GPR107: variants seen among roughly 807,000 people sequenced by gnomAD.
GPR107 encodes protein GPR107.
A neutral mutation model predicts 75.5 loss-of-function variants in GPR107; 31 were observed. The observed-to-expected ratio is 0.41, with a 90% CI of 0.31 to 0.55. The LOEUF (loss-of-function observed/expected upper bound fraction) is 0.55. Among genes scored for constraint, GPR107 ranks in the 20% least tolerant of loss-of-function variants. GPR107 has a pLI of 0.26. For missense variants in GPR107, 572 were observed against 665.7 expected, an observed-to-expected ratio of 0.86 and a Z score of 1.55; for synonymous variants, 267 against 251.3, an observed-to-expected ratio of 1.06 and a Z score of -0.59.
intron 14 of GPR107, among the ~76,000 whole-genome samples, chr9:130,109,673 G>A (rs141561410): frequency 4.0e-5 from 6 of 150,762 alleles, no homozygotes; most frequent in Non-Finnish European, 5.9e-5. Flanking sequence ...AGCTTCAAGC[G>A]ATTCTCCTGC....
At chr9:130,104,346 C>T in intron 12 of GPR107, 74 bp from the exon 13 acceptor site, 2 of 1,408,166 alleles carry the variant, frequency 1.4e-6, no homozygotes, top group Admixed American at 1.7e-5. Context: ...AAGGTGTACA[C>T]CCCACATTGG....
At position 130,103,766 on chromosome 9, in the gene GPR107, A is replaced by G. The variant is rs369227967; in HGVS notation, c.1132-654A>G. 4.6e-5 allele frequency among the ~76,000 whole-genome samples: 7 copies of G among 152,342 alleles called. No homozygotes were observed. The East Asian group carries it at 1.3e-3, about 29-fold the overall frequency. Reference sequence around the variant, plus strand: ...AGCAGTCCAGCACCTGAGTGACTCCACTGGGTTTGGGGTACCTGAAAAGCA... The same window carrying G: ...AGCAGTCCAGCACCTGAGTGACTCCGCTGGGTTTGGGGTACCTGAAAAGCA... On this transcript the variant is annotated intron_variant, in intron 12 of 17. Coordinates refer to ENST00000347136, the MANE Select transcript of GPR107 (RefSeq NM_020960.5). This position sits in a 1 kb window ranked among gnomAD's most constrained non-coding sequence, Gnocchi z 4.3.
intron 1 of GPR107, among the ~76,000 whole-genome samples, chr9:130,060,021 T>G (rs1829889153): frequency 6.6e-6 from 1 of 151,842 alleles, no homozygotes; most frequent in Non-Finnish European, 1.5e-5. Flanking sequence ...ATTACAGGCA[T>G]GAGCCACCAG....
intron 1 of GPR107, among the ~76,000 whole-genome samples, chr9:130,063,926 T>A (rs573934819): frequency 2.2e-4 from 33 of 151,404 alleles, no homozygotes; most frequent in African/African-American, 8.0e-4. Flanking sequence ...TGCCTCAGCC[T>A]CCCAAGTAGC....
chr9:130,073,582 A>G (rs565956504), intron 1 of GPR107, among the ~76,000 whole-genome samples: 1 of 152,208 alleles, frequency 6.6e-6, no homozygotes, highest in African/African-American at 2.4e-5. Flanking sequence ...TCCAGCAAAC[A>G]TGTTTTCACC....
chr9:130,059,733 C>CT lies in GPR107; in HGVS notation c.141+5683dup, dbSNP rs61429853. Reference sequence around the variant, plus strand: ...CTCATACTGTGATCAGTTAATACGTCTTTTTTTTTTTTTTTTTTTTTTTGA... The same window carrying CT: ...CTCATACTGTGATCAGTTAATACGTCTTTTTTTTTTTTTTTTTTTTTTTTGA... On this transcript the variant is annotated intron_variant, in intron 1 of 17. Coordinates refer to ENST00000347136, the MANE Select transcript of GPR107 (RefSeq NM_020960.5). 7.0e-3 allele frequency among the ~76,000 whole-genome samples: 1,008 copies of CT among 144,200 alleles called. 6 individuals are homozygous for CT. The highest frequency in any genetic ancestry group is 0.025 in the African/African-American group (944 of 38,118). 94.6% of individuals were successfully genotyped at this position (144,200 alleles called of 152,430 possible).
chr9:130,073,304 A>G (rs1830257248), intron 1 of GPR107, among the ~76,000 whole-genome samples: 2 of 152,188 alleles, frequency 1.3e-5, no homozygotes, highest in Admixed American at 1.3e-4. Context: ...TAGTTGAGTT[A>G]ATGTCTCCTG....
At chr9:130,058,968 A>G (rs771296116) in intron 1 of GPR107, among the ~76,000 whole-genome samples, 2 of 152,086 alleles carry the variant, frequency 1.3e-5, no homozygotes, top group Non-Finnish European at 2.9e-5. Flanking sequence ...GGTGCCATAA[A>G]CGTTCACATT....
chr9:130,080,552 C>T (rs1411214569), intron 5 of GPR107, among the ~76,000 whole-genome samples: 2 of 151,604 alleles, frequency 1.3e-5, no homozygotes, highest in Admixed American at 6.6e-5. Flanking sequence ...AGTACAGTGG[C>T]GCAATCTCGG....
At chr9:130,120,202 A>G (rs1831516824) in intron 14 of GPR107, among the ~76,000 whole-genome samples, 1 of 152,222 alleles carries the variant, frequency 6.6e-6, no homozygotes, top group African/African-American at 2.4e-5. Flanking sequence ...TAGCACCTAC[A>G]TGGCCTAGCA....
chr9:130,072,724 G>A (rs549823749), intron 1 of GPR107, among the ~76,000 whole-genome samples: 2 of 151,958 alleles, frequency 1.3e-5, no homozygotes, highest in Non-Finnish European at 2.9e-5. Flanking sequence ...TTATGTTGGG[G>A]GGGGAACTGC....
At chr9:130,066,719 C>G (rs974505288) in intron 1 of GPR107, among the ~76,000 whole-genome samples, 9 of 152,194 alleles carry the variant, frequency 5.9e-5, no homozygotes, top group Admixed American at 6.5e-5. Flanking sequence ...GGCGCGGTGG[C>G]TCATGCCTGT....
chr9:130,112,958 C>T lies in GPR107; in HGVS notation c.1306+5419C>T, dbSNP rs766503903. 6.6e-6 allele frequency among the ~76,000 whole-genome samples: 1 copy of T among 151,992 alleles called. No individual in the cohort carries two copies. Among genetic ancestry groups the T allele is most frequent in the South Asian group, 2.1e-4 (1 of 4,820 alleles). On this transcript the variant is annotated intron_variant, in intron 14 of 17. Transcript: ENST00000347136. The surrounding 1 kb of genome is among the most constrained non-coding windows in gnomAD (Gnocchi z 4.0). Reference sequence around the variant, plus strand: ...AGAGATAGGATTTTGTCATATTGCCCAGGCTAGTCTCAAACTCCTGAGCTC... The same window carrying T: ...AGAGATAGGATTTTGTCATATTGCCTAGGCTAGTCTCAAACTCCTGAGCTC...
At chr9:130,129,310 G>C (rs1323486476) in intron 17 of GPR107, 1 of 152,520 alleles carries the variant, frequency 6.6e-6, no homozygotes, top group Non-Finnish European at 1.5e-5. Flanking sequence ...TCATTGTCTA[G>C]AAAAATGAGT....
intron 9 of GPR107, among the ~76,000 whole-genome samples, chr9:130,094,637 T>C (rs1256780297): frequency 6.6e-6 from 1 of 151,894 alleles, no homozygotes. Flanking sequence ...GCCATTAAAG[T>C]TTTTGGGTGG....
chr9:130,059,732 T>C (rs1220578941), intron 1 of GPR107, among the ~76,000 whole-genome samples: 2 of 26,658 alleles, frequency 7.5e-5, no homozygotes, highest in Non-Finnish European at 1.1e-4. Flanking sequence ...AGTTAATACG[T>C]CTTTTTTTTT....
chr9:130,106,920 G>A lies in GPR107; in HGVS notation c.1263-576G>A, dbSNP rs577290999. Among the ~76,000 whole-genome samples the A allele has an allele frequency of 9.0e-4, 137 of 152,102 alleles. 1 individual carries two copies. The highest frequency in any genetic ancestry group is 3.2e-3 in the African/African-American group (131 of 41,496). On this transcript the variant is annotated intron_variant, in intron 13 of 17. Coordinates refer to ENST00000347136, the MANE Select transcript of GPR107 (RefSeq NM_020960.5). ...CATGGTGCCTCCACCTCTCACCTGC[G>A]GCTCCTGTAATAATGTTAATGTTCC... is the stretch of plus-strand genomic sequence containing the variant.
chr9:130,058,739 A>G (rs1427919445), intron 1 of GPR107, among the ~76,000 whole-genome samples: 3 of 152,194 alleles, frequency 2.0e-5, no homozygotes, highest in Non-Finnish European at 4.4e-5. Context: ...TTCTGGGATC[A>G]CAGGTGTGAG....
At chr9:130,083,027 T>A (rs1250596432) in intron 5 of GPR107, among the ~76,000 whole-genome samples, 2 of 151,878 alleles carry the variant, frequency 1.3e-5, no homozygotes, top group African/African-American at 4.8e-5. Flanking sequence ...TTCAAGGGAT[T>A]CTCCTGTGTC....
Sources: gnomAD v4.1 joint callset for allele counts (sites outside exome capture counted in the v4.1 genomes callset) on GRCh38, gnomAD v4.1.1 for gene constraint, Gnocchi (gnomAD v3.1) non-coding constraint, MANE v1.5 for transcripts, NCBI Gene and HGNC (gene_info 2026-07-23, HGNC 2026-07-21) for gene names.